RERE: variants seen among roughly 807,000 people sequenced by gnomAD.
RERE encodes the protein arginine-glutamic acid dipeptide repeats, also known as arginine-glutamic acid dipeptide repeats protein.
Under a neutral mutation model 146.1 loss-of-function variants are expected in RERE, and 40 were observed. The ratio of observed to expected loss-of-function variants is 0.27; its 90% CI spans 0.21 to 0.36. RERE has a LOEUF of 0.36. Ranked by LOEUF, RERE falls within the 10% of genes least tolerant of loss-of-function variation. The pLI is 1.00. For missense variants in RERE, 1,933 were observed against 2,138.7 expected (o/e 0.90, Z 1.90); for synonymous variants, 1,003 against 866.0 (o/e 1.16, Z -2.78).
chr1:8,507,102 T>C (rs924365206), intron 8 of RERE, among the ~76,000 whole-genome samples: 1 of 152,102 alleles, frequency 6.6e-6, no homozygotes, highest in Non-Finnish European at 1.5e-5. Context: ...GCATCCTAAC[T>C]GATACTGAGA....
intron 7 of RERE, among the ~76,000 whole-genome samples, chr1:8,523,780 C>T (rs1337581053): frequency 6.6e-6 from 1 of 152,200 alleles, no homozygotes; most frequent in African/African-American, 2.4e-5. Flanking sequence ...TGGCGGCATC[C>T]AAGCTCCATA....
intron 12 of RERE, among the ~76,000 whole-genome samples, chr1:8,395,631 T>C (rs1383440556): frequency 2.6e-5 from 4 of 151,926 alleles, no homozygotes; most frequent in African/African-American, 7.3e-5. Flanking sequence ...AGGGCAACTG[T>C]GAACAAGGTG....
At chr1:8,587,352 T>C (rs961212722) in intron 4 of RERE, among the ~76,000 whole-genome samples, 2 of 152,004 alleles carry the variant, frequency 1.3e-5, no homozygotes, top group Non-Finnish European at 2.9e-5. Flanking sequence ...CTACAAGGAG[T>C]TCCTTCCAGC....
chr1:8,461,658 TGA>T (rs1248633707), intron 11 of RERE, among the ~76,000 whole-genome samples: 1 of 151,954 alleles, frequency 6.6e-6, no homozygotes, highest in Non-Finnish European at 1.5e-5. Flanking sequence ...AGAAATAAAC[TGA>T]GAGTTTGAGA....
rs201149712 is a variant in RERE, at chr1:8,519,240, C to CCCAA, written c.831-10569_831-10566dup. On this transcript the variant is annotated intron_variant, in intron 7 of 22. Transcript: ENST00000400908. ...TGCAAACAAACAAACAAACAAAAAA[C>CCCAA]CCAACCAACCAACCAAACAACAAAA... Among the ~76,000 whole-genome samples the CCCAA allele has an allele frequency of 5.5e-4, 83 of 152,070 alleles. 1 individual carries two copies. Among genetic ancestry groups the CCCAA allele is most frequent in the Middle Eastern group, 3.4e-3 (1 of 294 alleles).
chr1:8,368,678 T>C (rs1170916328), intron 12 of RERE, among the ~76,000 whole-genome samples: 1 of 152,122 alleles, frequency 6.6e-6, no homozygotes, highest in Admixed American at 6.5e-5. Flanking sequence ...AATGCAATAT[T>C]GCTACACACA....
intron 1 of RERE, among the ~76,000 whole-genome samples, chr1:8,669,886 A>G (rs1638675348): frequency 6.6e-6 from 1 of 152,238 alleles, no homozygotes; most frequent in African/African-American, 2.4e-5. Flanking sequence ...ATTTAACTTA[A>G]TACAATTACA....
At chr1:8,681,920 C>T (rs986907547) in intron 1 of RERE, among the ~76,000 whole-genome samples, 1 of 152,178 alleles carries the variant, frequency 6.6e-6, no homozygotes, top group Non-Finnish European at 1.5e-5. Flanking sequence ...AGTAAGTCAA[C>T]TTGGTTCTGG....
At chr1:8,381,649 C>A (rs1642464237) in intron 12 of RERE, among the ~76,000 whole-genome samples, 1 of 152,138 alleles carries the variant, frequency 6.6e-6, no homozygotes, top group South Asian at 2.1e-4. Context: ...AAACAAAACA[C>A]AAAGAGTCCC....
At chr1:8,414,223 C>A (rs1323117340) in intron 12 of RERE, among the ~76,000 whole-genome samples, 1 of 152,088 alleles carries the variant, frequency 6.6e-6, no homozygotes, top group Non-Finnish European at 1.5e-5. Flanking sequence ...CCCCCAAAAT[C>A]CCAACTTTGT....
At chr1:8,726,683 A>G (rs986642241) in intron 1 of RERE, among the ~76,000 whole-genome samples, 1 of 152,230 alleles carries the variant, frequency 6.6e-6, no homozygotes, top group South Asian at 2.1e-4. Context: ...AAGCATGAAC[A>G]TGTTGACTTA....
intron 1 of RERE, chr1:8,786,272 G>A (rs2124566880): frequency 1.0e-6 from 1 of 981,904 alleles, no homozygotes; most frequent in South Asian, 1.3e-5. Flanking sequence ...CAAAATGGGT[G>A]GTTTTTCTTC....
chr1:8,618,573 C>T (rs1309572247), intron 3 of RERE, among the ~76,000 whole-genome samples: 9 of 152,174 alleles, frequency 5.9e-5, no homozygotes, highest in Non-Finnish European at 1.0e-4. Context: ...ATGCCCATTC[C>T]GTGAATGTCC....
chr1:8,724,589 G>A (rs1419377360), intron 1 of RERE, among the ~76,000 whole-genome samples: 2 of 152,126 alleles, frequency 1.3e-5, no homozygotes, highest in African/African-American at 2.4e-5. Context: ...GCTCACGCTT[G>A]TAATCCCAGC....
intron 1 of RERE, among the ~76,000 whole-genome samples, chr1:8,747,817 G>T (rs919370127): frequency 6.6e-6 from 1 of 151,996 alleles, no homozygotes; most frequent in Admixed American, 6.6e-5. Context: ...TGTCGCCCGC[G>T]CTGGAGTACA....
chr1:8,649,587 G>A (rs528163397), intron 2 of RERE, among the ~76,000 whole-genome samples: 4 of 151,992 alleles, frequency 2.6e-5, no homozygotes, highest in East Asian at 1.9e-4. Context: ...AAAATTAGCC[G>A]GGCGTGGTGT....
At chr1:8,766,807 T>C (rs1640859132) in intron 1 of RERE, among the ~76,000 whole-genome samples, 1 of 152,196 alleles carries the variant, frequency 6.6e-6, no homozygotes, top group South Asian at 2.1e-4. Flanking sequence ...TAATTATATT[T>C]ACAAAAGTTA....
chr1:8,781,612 C>T (rs1008151657), intron 1 of RERE, among the ~76,000 whole-genome samples: 5 of 151,434 alleles, frequency 3.3e-5, no homozygotes, highest in Non-Finnish European at 7.4e-5. Context: ...TGAATCTCTC[C>T]GTGCCTCCAT....
At chr1:8,743,267 G>A (rs1228305921) in intron 1 of RERE, among the ~76,000 whole-genome samples, 1 of 151,846 alleles carries the variant, frequency 6.6e-6, no homozygotes, top group Non-Finnish European at 1.5e-5. Flanking sequence ...GTACAGGGGC[G>A]CGTGCCTGTA....
Sources: allele counts gnomAD v4.1 joint callset (sites outside exome capture counted in the v4.1 genomes callset), GRCh38; gene constraint gnomAD v4.1.1; transcripts MANE v1.5; gene names NCBI Gene and HGNC (gene_info 2026-07-23, HGNC 2026-07-21).